UBE3D: variants seen among roughly 807,000 people sequenced by gnomAD.
The protein encoded by UBE3D is ubiquitin protein ligase E3D.
UBE3D carries 48 observed loss-of-function variants against 49.6 expected under a neutral mutation model. The observed-to-expected ratio is 0.97, with a 90% CI of 0.77 to 1.23. The LOEUF is 1.23. UBE3D is among the 50% of genes most tolerant of loss of function. The probability of loss-of-function intolerance (pLI) is 0.00; values close to 1 mark genes in which losing one functional copy is unlikely to be tolerated. For missense variants in UBE3D, 452 were observed against 468.4 expected, an observed-to-expected ratio of 0.96 and a Z score of 0.32; for synonymous variants, 189 against 174.2, an observed-to-expected ratio of 1.08 and a Z score of -0.67.
intron 8 of UBE3D, chr6:83,018,445 C>T (rs1780844900): frequency 2.0e-5 from 3 of 152,334 alleles, no homozygotes; most frequent in African/African-American, 7.2e-5. Context: ...GATTTACTAC[C>T]AGTGTCTTAG....
In UBE3D at chr6:83,053,832, G is replaced by A. The variant is rs76863083; in HGVS notation, c.365+316C>T. On this transcript the variant is annotated intron_variant, in intron 3 of 9. Coordinates refer to ENST00000369747, the MANE Select transcript of UBE3D (RefSeq NM_198920.3). ...AATGTGGAAAATGTCACTCAGCATC[G>A]TGTTGGATGAAATGTGACAGGTCCC... Among the ~76,000 whole-genome samples the A allele has an allele frequency of 1.6e-3, 239 of 152,292 alleles. 1 individual carries two copies. The East Asian group carries it at 0.04, about 26-fold the overall frequency.
In UBE3D at chr6:83,040,534, C is replaced by T. The variant is rs562117488; in HGVS notation, c.598-2049G>A. Among the ~76,000 whole-genome samples, 4 of 152,276 alleles carry T rather than the reference C, an allele frequency of 2.6e-5. No homozygotes were observed. In the East Asian group the frequency reaches 5.8e-4, roughly 22 times the overall value. ...CAACTAGTAAAAAAATCCGTAAATG[C>T]CTACAGCTCTTCTATTTAAAAACTT... On this transcript the variant is annotated intron_variant, in intron 4 of 9. Coordinates refer to ENST00000369747, the MANE Select transcript of UBE3D (RefSeq NM_198920.3).
Position 83,038,496 on chromosome 6 carries a change from GA to G in UBE3D, c.598-12del. On this transcript the variant is annotated splice_polypyrimidine_tract_variant and intron_variant, in intron 4 of 9. Coordinates refer to ENST00000369747, the MANE Select transcript of UBE3D (RefSeq NM_198920.3). The stretch of plus-strand genomic sequence containing the variant: ...ATTTGCCTTTGGTTCCTGTAGAACA[GA>G]AAAATGTCATTTAAATGTCATTCAG... The G allele has an allele frequency of 6.3e-7, 1 of 1,599,972 alleles. No homozygotes were observed. Among genetic ancestry groups the G allele is most frequent in the Non-Finnish European group, 8.5e-7 (1 of 1,175,174 alleles).
intron 9 of UBE3D, among the ~76,000 whole-genome samples, chr6:82,945,347 A>C (rs1775323336): frequency 6.6e-6 from 1 of 152,242 alleles, no homozygotes; most frequent in Admixed American, 6.5e-5. Flanking sequence ...AAGTAAGGGA[A>C]GAGAAGAGTC....
At chr6:82,996,450 ATCT>A (rs1011309327) in intron 8 of UBE3D, among the ~76,000 whole-genome samples, 15 of 152,312 alleles carry the variant, frequency 9.8e-5, no homozygotes, top group Middle Eastern at 3.4e-3. Context: ...GAAAAAACAA[ATCT>A]TCTTGCCTAA....
chr6:82,980,322 T>C (rs1778026661), intron 8 of UBE3D, among the ~76,000 whole-genome samples: 1 of 152,130 alleles, frequency 6.6e-6, no homozygotes, highest in Non-Finnish European at 1.5e-5. Context: ...TTAATTTGCA[T>C]TTTCCTGATG....
intron 8 of UBE3D, among the ~76,000 whole-genome samples, chr6:82,998,703 TA>T (rs1173851532): frequency 1.3e-5 from 2 of 152,234 alleles, no homozygotes; most frequent in Non-Finnish European, 2.9e-5. Flanking sequence ...CTACCAGATC[TA>T]AGTTTCAGTA....
At chr6:83,052,655 G>T (rs1385352305) in intron 3 of UBE3D, among the ~76,000 whole-genome samples, 3 of 152,078 alleles carry the variant, frequency 2.0e-5, no homozygotes, top group East Asian at 1.9e-4. Context: ...ATGTTTTTTT[G>T]GGGGAGGAGG....
intron 9 of UBE3D, among the ~76,000 whole-genome samples, chr6:82,909,355 A>G (rs1211264500): frequency 6.6e-6 from 1 of 152,186 alleles, no homozygotes; most frequent in Admixed American, 6.5e-5. Context: ...ACTGTATAAC[A>G]TTAGCCTTTC....
chr6:82,886,533 A>G, the UBE3D span, among the ~76,000 whole-genome samples: 1 of 152,192 alleles, frequency 6.6e-6, no homozygotes, highest in Admixed American at 6.5e-5. Flanking sequence ...GATGTAGAGA[A>G]CATCCTTGGC....
At chr6:83,046,126 C>T (rs1321383004) in intron 3 of UBE3D, among the ~76,000 whole-genome samples, 1 of 152,088 alleles carries the variant, frequency 6.6e-6, no homozygotes, top group Non-Finnish European at 1.5e-5. Context: ...TTGATAACTT[C>T]GTTAAGGTGA....
intron 5 of UBE3D, among the ~76,000 whole-genome samples, chr6:83,030,320 A>C (rs1225551711): frequency 6.6e-6 from 1 of 152,174 alleles, no homozygotes; most frequent in Non-Finnish European, 1.5e-5. Context: ...AGTGGGAGGT[A>C]ATTAAACCAT....
At chr6:82,933,935 G>A (rs924902888) in intron 9 of UBE3D, among the ~76,000 whole-genome samples, 59 of 152,084 alleles carry the variant, frequency 3.9e-4, no homozygotes, top group African/African-American at 1.4e-3. Flanking sequence ...TCATTTCCAA[G>A]GTATCAAATT....
intron 5 of UBE3D, among the ~76,000 whole-genome samples, chr6:83,035,354 A>T (rs2127798121): frequency 6.6e-6 from 1 of 152,198 alleles, no homozygotes; most frequent in Middle Eastern, 3.4e-3. Flanking sequence ...TTGAATCCCT[A>T]GTTTAGATGA....
chr6:83,055,562 G>C (rs928574725), intron 2 of UBE3D, among the ~76,000 whole-genome samples: 7 of 152,106 alleles, frequency 4.6e-5, no homozygotes, highest in Non-Finnish European at 1.5e-5. Flanking sequence ...CCCTCTGCTG[G>C]CCACCCAGCA....
chr6:82,987,485 A>G (rs1458714160), intron 8 of UBE3D, among the ~76,000 whole-genome samples: 1 of 152,210 alleles, frequency 6.6e-6, no homozygotes, highest in Non-Finnish European at 1.5e-5. Context: ...CTCCAACACA[A>G]TGTTAAAGAT....
At chr6:83,028,332 G>T (rs1309151176) in intron 5 of UBE3D, among the ~76,000 whole-genome samples, 1 of 152,104 alleles carries the variant, frequency 6.6e-6, no homozygotes, top group African/African-American at 2.4e-5. Flanking sequence ...TTATTTGTGA[G>T]AATGAGTTTT....
intron 9 of UBE3D, among the ~76,000 whole-genome samples, chr6:82,948,662 C>A (rs1387616113): frequency 1.3e-5 from 2 of 151,898 alleles, no homozygotes; most frequent in African/African-American, 4.8e-5. Flanking sequence ...AAAGATATTT[C>A]TTCATGGCCA....
At chr6:82,946,779 G>A (rs1429840016) in intron 9 of UBE3D, among the ~76,000 whole-genome samples, 2 of 152,026 alleles carry the variant, frequency 1.3e-5, no homozygotes, top group Non-Finnish European at 2.9e-5. Flanking sequence ...CAAAGTTAAA[G>A]TGTAGAGTTT....
Sources: gnomAD v4.1 joint callset for allele counts (sites outside exome capture counted in the v4.1 genomes callset) on GRCh38, gnomAD v4.1.1 for gene constraint, MANE v1.5 for transcripts, NCBI Gene and HGNC (gene_info 2026-07-23, HGNC 2026-07-21) for gene names.